ADAM22: variants seen among roughly 807,000 people sequenced by gnomAD.
ADAM22 encodes disintegrin and metalloproteinase domain-containing protein 22.
ADAM22 carries 65 observed loss-of-function variants against 144.6 expected under a neutral mutation model. The observed-to-expected ratio is 0.45, with a 90% CI of 0.37 to 0.55. The LOEUF (loss-of-function observed/expected upper bound fraction) is 0.55, where lower values mean the gene tolerates loss of function less well. ADAM22 is among the 20% of genes least tolerant of loss of function. The pLI is 0.00. For missense variants in ADAM22, 974 were observed against 1,184.9 expected, an observed-to-expected ratio of 0.82 and a Z score of 2.61; for synonymous variants, 391 against 412.6, an observed-to-expected ratio of 0.95 and a Z score of 0.63.
At chr7:88,090,930 G>A (rs561271689) in intron 4 of ADAM22, among the ~76,000 whole-genome samples, 49 of 152,208 alleles carry the variant, frequency 3.2e-4, no homozygotes, top group African/African-American at 1.1e-3. Flanking sequence ...TTGTGTCAGA[G>A]GAATACTCAT....
At chr7:87,950,499 G>A (rs370437387) in intron 2 of ADAM22, among the ~76,000 whole-genome samples, 1 of 146,606 alleles carries the variant, frequency 6.8e-6, no homozygotes, top group African/African-American at 2.6e-5. Context: ...TAGTATTCCA[G>A]GGTGTATATG....
intron 3 of ADAM22, among the ~76,000 whole-genome samples, chr7:87,982,808 C>A (rs1854003281): frequency 2.0e-5 from 3 of 149,670 alleles, no homozygotes; most frequent in Admixed American, 6.7e-5. Flanking sequence ...GATTCTCCTG[C>A]CTGAGCCTCC....
intron 18 of ADAM22, among the ~76,000 whole-genome samples, chr7:88,149,471 A>G (rs937120599): frequency 6.6e-6 from 1 of 152,174 alleles, no homozygotes; most frequent in Non-Finnish European, 1.5e-5. Flanking sequence ...GATAGCTTGC[A>G]TCGCCTCAGC....
chr7:88,082,894 T>C (rs915524656), intron 4 of ADAM22, among the ~76,000 whole-genome samples: 2 of 152,208 alleles, frequency 1.3e-5, no homozygotes, highest in African/African-American at 4.8e-5. Flanking sequence ...TTGGTGGGAC[T>C]GTAAACTAGT....
rs544146411 is a variant in ADAM22 at position 87,972,198 on chromosome 7, C to T, written c.247-6138C>T. On this transcript the variant is annotated intron_variant, in intron 2 of 31. Coordinates refer to ENST00000413139, the MANE Select transcript of ADAM22 (RefSeq NM_001324418.2). ...TCTAGAAAACCCCATTGTCTCAGCCCAAAATCTCCTTAAGTTGTTAAGCAA... is the reference window on the plus strand; with the variant it reads ...TCTAGAAAACCCCATTGTCTCAGCCTAAAATCTCCTTAAGTTGTTAAGCAA... Among the ~76,000 whole-genome samples the T allele has an allele frequency of 1.4e-3, 212 of 152,256 alleles. 1 individual carries two copies. Among genetic ancestry groups the T allele is most frequent in the African/African-American group, 4.7e-3 (196 of 41,524 alleles).
intron 3 of ADAM22, among the ~76,000 whole-genome samples, chr7:87,982,478 AG>A (rs1562915762): frequency 6.6e-6 from 1 of 151,580 alleles, no homozygotes; most frequent in Non-Finnish European, 1.5e-5. Context: ...AGGTTGGCAC[AG>A]GGATAGCCAA....
At chr7:88,110,586 G>C (rs1438913301) in intron 5 of ADAM22, among the ~76,000 whole-genome samples, 1 of 150,622 alleles carries the variant, frequency 6.6e-6, no homozygotes, top group Middle Eastern at 3.2e-3. Context: ...TTTAGGCCGG[G>C]CACGGTGGCT....
At chr7:87,961,654 C>T (rs1312267637) in intron 2 of ADAM22, among the ~76,000 whole-genome samples, 3 of 152,072 alleles carry the variant, frequency 2.0e-5, no homozygotes, top group African/African-American at 4.8e-5. Context: ...ATTAGCCTGC[C>T]GTAAAGCTTA....
chr7:88,194,623 G>A (rs1850305073), intron 31 of ADAM22, among the ~76,000 whole-genome samples: 1 of 152,188 alleles, frequency 6.6e-6, no homozygotes, highest in African/African-American at 2.4e-5. Context: ...GAGTAATCAT[G>A]ACATTCAGGT....
intron 4 of ADAM22, among the ~76,000 whole-genome samples, chr7:88,107,198 CTTTT>C (rs561936408): frequency 3.3e-4 from 25 of 76,558 alleles, no homozygotes; most frequent in Admixed American, 1.2e-3. Flanking sequence ...GATTGAATTT[CTTTT>C]TTTTTTTTTT....
intron 30 of ADAM22, among the ~76,000 whole-genome samples, chr7:88,190,460 A>T (rs1382679451): frequency 6.6e-6 from 1 of 152,062 alleles, no homozygotes. Context: ...GCTTGAACCC[A>T]GGAGGCAGAG....
chr7:88,016,301 C>T (rs1438794855), intron 3 of ADAM22, among the ~76,000 whole-genome samples: 1 of 152,130 alleles, frequency 6.6e-6, no homozygotes, highest in Non-Finnish European at 1.5e-5. Context: ...AGGGTCCTAT[C>T]TAACAAATGT....
chr7:88,006,850 G>T (rs913409085), intron 3 of ADAM22, among the ~76,000 whole-genome samples: 15 of 151,034 alleles, frequency 9.9e-5, no homozygotes, highest in African/African-American at 3.2e-4. Flanking sequence ...ACAAGACAGG[G>T]ATGCCCTCTC....
At chr7:88,084,999 AT>A (rs1818032035) in intron 4 of ADAM22, among the ~76,000 whole-genome samples, 1 of 152,172 alleles carries the variant, frequency 6.6e-6, no homozygotes, top group South Asian at 2.1e-4. Flanking sequence ...TGAGAACATC[AT>A]TCCTATTGAA....
At chr7:88,044,913 C>T (rs1023122224) in intron 3 of ADAM22, among the ~76,000 whole-genome samples, 6 of 150,548 alleles carry the variant, frequency 4.0e-5, no homozygotes, top group Non-Finnish European at 7.4e-5. Flanking sequence ...TTAGTAGAGA[C>T]GGGGTTTCAC....
At chr7:88,122,883 C>T (rs1829631781) in intron 7 of ADAM22, among the ~76,000 whole-genome samples, 2 of 152,192 alleles carry the variant, frequency 1.3e-5, no homozygotes, top group South Asian at 4.1e-4. Flanking sequence ...ACTCTTAATT[C>T]TGCTCATCCT....
At chr7:88,094,691 G>T (rs189230322) in intron 4 of ADAM22, among the ~76,000 whole-genome samples, 118 of 152,264 alleles carry the variant, frequency 7.7e-4, no homozygotes, top group African/African-American at 2.6e-3. Context: ...TCTGAGTGGG[G>T]TTAATAGGTA....
intron 4 of ADAM22, among the ~76,000 whole-genome samples, chr7:88,107,241 G>A (rs1467578669): frequency 8.7e-6 from 1 of 114,458 alleles, no homozygotes; most frequent in African/African-American, 3.5e-5. Context: ...GGTCTCTATC[G>A]CCCAGGCTGG....
At chr7:88,125,436 A>G (rs1005190167) in intron 7 of ADAM22, among the ~76,000 whole-genome samples, 153 bp from the exon 8 acceptor site, 1 of 152,006 alleles carries the variant, frequency 6.6e-6, no homozygotes, top group Non-Finnish European at 1.5e-5. Flanking sequence ...ATTTAGTATT[A>G]ATATACTACA....
Sources: allele counts gnomAD v4.1 joint callset (sites outside exome capture counted in the v4.1 genomes callset), GRCh38; gene constraint gnomAD v4.1.1; transcripts MANE v1.5; gene names NCBI Gene and HGNC (gene_info 2026-07-23, HGNC 2026-07-21).